Variants in PSMA4 observed in about 807,000 individuals in gnomAD.
PSMA4 encodes proteasome subunit alpha type-4.
PSMA4 carries 8 observed loss-of-function variants against 37.2 expected under a neutral mutation model. The ratio of observed to expected loss-of-function variants is 0.22; its 90% CI spans 0.13 to 0.39. PSMA4 has a LOEUF of 0.39. Ranked by LOEUF, PSMA4 falls within the 10% of genes least tolerant of loss-of-function variation. PSMA4 has a pLI of 1.00. For missense variants in PSMA4, 169 were observed against 305.1 expected (o/e 0.55, Z 3.32); for synonymous variants, 93 against 98.8 (o/e 0.94, Z 0.35).
At chr15:78,544,510 AG>A in intron 5 of PSMA4, 1 of 458,250 alleles carries the variant, frequency 2.2e-6, no homozygotes, top group Non-Finnish European at 3.9e-6. Flanking sequence ...TGTGTTAGCC[AG>A]GATGGTCTCG....
At position 78,540,455 on chromosome 15, in the gene PSMA4, G is replaced by A. The variant is rs2052421854; in HGVS notation, c.-108G>A. 1 of 152,408 alleles carries A rather than the reference G, an allele frequency of 6.6e-6. No individual in the cohort carries two copies. Among genetic ancestry groups the A allele is most frequent in the Non-Finnish European group, 1.5e-5 (1 of 68,174 alleles). 9.4% of individuals were successfully genotyped at this position (152,408 alleles called of 1,614,324 possible). On this transcript the variant is annotated 5_prime_UTR_variant, in exon 1 of 9. Coordinates refer to ENST00000044462, the MANE Select transcript of PSMA4 (RefSeq NM_002789.6). ...CATGCGCGGGGGCCATATTAGCAGC[G>A]GTTATTCGGTGAGCGGTGGTGGTTT...
intron 1 of PSMA4, chr15:78,541,005 A>C (rs1167593816): frequency 2.0e-5 from 3 of 152,248 alleles, no homozygotes; most frequent in Non-Finnish European, 4.4e-5. Context: ...CTTACTTTGC[A>C]CCATTCCTAT....
chr15:78,542,244 C>T, intron 3 of PSMA4, 25 bp downstream of exon 3: 1 of 1,570,718 alleles, frequency 6.4e-7, no homozygotes, highest in Non-Finnish European at 8.6e-7. Context: ...GTTTAATCTG[C>T]CTCAAGTTTA....
At chr15:78,547,195 T>C (rs1350282712) in intron 8 of PSMA4, among the ~76,000 whole-genome samples, 2 of 152,214 alleles carry the variant, frequency 1.3e-5, no homozygotes, top group African/African-American at 4.8e-5. Flanking sequence ...TTGACCAAGA[T>C]CAACATTGGT....
chr15:78,550,281 G>A lies in PSMA4; in HGVS notation c.*1337G>A, dbSNP rs2141382079. 1 of 152,322 alleles carries A rather than the reference G, an allele frequency of 6.6e-6. No individual in the cohort carries two copies. The highest frequency in any genetic ancestry group is 6.5e-5 in the Admixed American group (1 of 15,294). 9.4% of individuals were successfully genotyped at this position (152,322 alleles called of 1,614,324 possible). A position where few individuals can be genotyped will look rare whatever the true frequency, so the allele number is the denominator to read the frequency against. On this transcript the variant is annotated 3_prime_UTR_variant, in exon 9 of 9. Coordinates refer to ENST00000044462, the MANE Select transcript of PSMA4 (RefSeq NM_002789.6). ...AAAGACACCTTTTTAAATGTGTATT[G>A]TGGATTCATTAACATAGAACTCAGC...
intron 3 of PSMA4, 53 bp downstream of exon 3, chr15:78,542,272 C>T (rs1176016747): frequency 1.5e-5 from 23 of 1,529,840 alleles, no homozygotes; most frequent in African/African-American, 2.8e-5. Context: ...ATGTGTTAGA[C>T]TTTTAGAAAA....
At position 78,551,744 on chromosome 15, in the gene PSMA4, G is replaced by C. The variant is rs1260064599; in HGVS notation, c.*2800G>C. 1 of 152,012 alleles carries C rather than the reference G, an allele frequency of 6.6e-6. No individual in the cohort carries two copies. 9.4% of individuals were successfully genotyped at this position (152,012 alleles called of 1,614,324 possible). On this transcript the variant is annotated 3_prime_UTR_variant, in exon 9 of 9. Transcript: ENST00000044462. ...AATGAATAAATACCCTGGATATGCT[G>C]GTGTGAAATCCTAAAAAATACCTGC... is the stretch of plus-strand genomic sequence containing the variant.
In PSMA4 at chr15:78,542,428, A is replaced by G. The variant is rs1567033727; in HGVS notation, c.47-55A>G. 9.6e-6 allele frequency: 15 copies of G among 1,567,228 alleles called. No homozygotes were observed. In the East Asian group the frequency reaches 2.9e-4, roughly 31 times the overall value. ...CTTCATTGCTGATTTCTTTTGGGCCAGTGGTGCAGGAGCACAGAGGAGAGT... is the reference window on the plus strand; with the variant it reads ...CTTCATTGCTGATTTCTTTTGGGCCGGTGGTGCAGGAGCACAGAGGAGAGT... On this transcript the variant is annotated intron_variant, in intron 3 of 8. Transcript: ENST00000044462.
Position 78,548,881 on chromosome 15 carries a change from G to A in PSMA4, c.723G>A (p.Glu241=), listed in dbSNP as rs758341150. ...TGGAGCAGTTGATCAAAAAACATGA[G>A]GAAGAAGAAGCCAAAGCTGAGCGTG... ...KEVEQLIKKH[E]EEEAKAEREK... is the part of the protein sequence containing the mutation. Residue 241 remains glutamate (E), a synonymous_variant, in exon 9 of 9, where the codon GAG becomes GAA. Transcript: ENST00000044462. 1 of 1,612,416 alleles carries A rather than the reference G, an allele frequency of 6.2e-7. No homozygotes were observed. The highest frequency in any genetic ancestry group is 8.5e-7 in the Non-Finnish European group (1 of 1,179,200).
rs769992813 is a variant in PSMA4, at chr15:78,542,154, A to C, written c.4-23A>C. Reference sequence around the variant, plus strand: ...GGCCTACTTTCAGTGGGTAGGAATCACTCATGTGTTTTTCCTTTGCAGTCT... The same window carrying C: ...GGCCTACTTTCAGTGGGTAGGAATCCCTCATGTGTTTTTCCTTTGCAGTCT... On this transcript the variant is annotated intron_variant, in intron 2 of 8. Transcript: ENST00000044462. 5 of 1,610,148 alleles carry C rather than the reference A, an allele frequency of 3.1e-6. No individual in the cohort carries two copies. In the African/African-American group the frequency reaches 6.7e-5, roughly 22 times the overall value.
rs2052422601 is a variant in PSMA4 at position 78,540,468 on chromosome 15, G to C, written c.-95G>C. ...CATATTAGCAGCGGTTATTCGGTGA[G>C]CGGTGGTGGTTTATTCTTCCGTGGA... On this transcript the variant is annotated 5_prime_UTR_variant, in exon 1 of 9. Transcript: ENST00000044462. 6.6e-6 allele frequency: 1 copy of C among 152,564 alleles called. No individual in the cohort carries two copies. Among genetic ancestry groups the C allele is most frequent in the Admixed American group, 6.5e-5 (1 of 15,310 alleles). The allele number at this position is 152,564 out of a possible 1,614,324, so 9.5% of individuals were successfully genotyped here.
chr15:78,546,768 C>CT (rs35886075), intron 8 of PSMA4, 70 bp downstream of exon 8: 32,563 of 1,152,454 alleles, frequency 0.028, no homozygotes, highest in Non-Finnish European at 0.032. Context: ...AGATTTTTTT[C>CT]TTTTTTTTTT....
intron 4 of PSMA4, 112 bp downstream of exon 4, chr15:78,542,757 C>A: frequency 2.7e-6 from 3 of 1,101,512 alleles, no homozygotes; most frequent in Non-Finnish European, 3.8e-6. Context: ...TGAAATTGTG[C>A]CTTTATTTTG....
rs1306213676 is a variant in PSMA4, at chr15:78,550,172, G to T, written c.*1228G>T. The T allele has an allele frequency of 6.6e-6, 1 of 152,216 alleles. No individual in the cohort carries two copies. The highest frequency in any genetic ancestry group is 1.5e-5 in the Non-Finnish European group (1 of 68,060). The allele number at this position is 152,216 out of a possible 1,614,324, so 9.4% of individuals were successfully genotyped here. A position where few individuals can be genotyped will look rare whatever the true frequency, so the allele number is the denominator to read the frequency against. On this transcript the variant is annotated 3_prime_UTR_variant, in exon 9 of 9. Coordinates refer to ENST00000044462, the MANE Select transcript of PSMA4 (RefSeq NM_002789.6). ...TACTGAACTCTTGCACCTAGAGAAAGTACTGGGTTAGGGTCCTACAAGCCA... is the reference window on the plus strand; with the variant it reads ...TACTGAACTCTTGCACCTAGAGAAATTACTGGGTTAGGGTCCTACAAGCCA...
Position 78,542,628 on chromosome 15 carries a change from A to G in PSMA4, c.192A>G (p.Lys64=). ...TTGATGAAGTCTTTTTTTCTGAAAA[A>G]ATTTATAAACTCAATGAGTAAGTGA... is the stretch of plus-strand genomic sequence containing the variant. ...KLLDEVFFSE[K]IYKLNEDMAC... The change falls in exon 4 of 9, where the codon AAA becomes AAG. Residue 64 remains lysine (K), a synonymous_variant. Transcript: ENST00000044462. 6.2e-7 allele frequency: 1 copy of G among 1,606,484 alleles called. No homozygotes were observed. The highest frequency in any genetic ancestry group is 8.5e-7 in the Non-Finnish European group (1 of 1,178,128).
chr15:78,541,683 C>T, intron 1 of PSMA4: 1 of 511,156 alleles, frequency 2.0e-6, no homozygotes. Context: ...ACCCCCGGTT[C>T]CTCTTTCCAC....
intron 4 of PSMA4, among the ~76,000 whole-genome samples, chr15:78,543,339 G>A (rs975933222): frequency 9.9e-5 from 15 of 152,148 alleles, no homozygotes; most frequent in African/African-American, 3.6e-4. Context: ...CCACTCAACA[G>A]CTGGCAGGCT....
In PSMA4 at chr15:78,543,156, G is replaced by A. The variant is rs539481791; in HGVS notation, c.209+511G>A. 1.1e-3 allele frequency among the ~76,000 whole-genome samples: 165 copies of A among 152,328 alleles called. 2 individuals are homozygous for A. Among genetic ancestry groups the A allele is most frequent in the African/African-American group, 3.7e-3 (153 of 41,576 alleles). ...AATTTAGCCAAGCCTTGTACACTGT[G>A]TGAAATGTTTGTTATATTTGAGTGT... On this transcript the variant is annotated intron_variant, in intron 4 of 8. Coordinates refer to ENST00000044462, the MANE Select transcript of PSMA4 (RefSeq NM_002789.6).
intron 4 of PSMA4, 114 bp from the exon 5 acceptor site, chr15:78,544,076 G>A: frequency 5.6e-6 from 4 of 713,690 alleles, no homozygotes; most frequent in Non-Finnish European, 9.3e-6. Flanking sequence ...GGAAGTAGCT[G>A]TTGTGAAGCA....
Sources: gnomAD v4.1 joint callset for allele counts (sites outside exome capture counted in the v4.1 genomes callset) on GRCh38, gnomAD v4.1.1 for gene constraint, MANE v1.5 for transcripts, NCBI Gene and HGNC (gene_info 2026-07-23, HGNC 2026-07-21) for gene names.